GPC5: variants seen among roughly 807,000 people sequenced by gnomAD.
The protein encoded by GPC5 is glypican-5.
In GPC5, 47 loss-of-function variants were observed where a neutral mutation model predicts 53.9. The observed-to-expected ratio is 0.87, with a 90% CI of 0.69 to 1.11. GPC5 has a LOEUF of 1.11. GPC5 is among the 50% of genes most tolerant of loss of function. The pLI is 0.00. For missense variants in GPC5, 748 were observed against 713.1 expected, an observed-to-expected ratio of 1.05 and a Z score of -0.56; for synonymous variants, 286 against 263.3, an observed-to-expected ratio of 1.09 and a Z score of -0.84.
At chr13:91,786,695 T>C (rs9556116) in intron 5 of GPC5, among the ~76,000 whole-genome samples, 3,846 of 152,256 alleles carry the variant, frequency 0.025, 247 homozygotes, top group East Asian at 0.22. Context: ...ACTATAATAT[T>C]TATGTCAAGA....
At chr13:91,415,259 G>A (rs1878113210) in intron 1 of GPC5, among the ~76,000 whole-genome samples, 1 of 152,134 alleles carries the variant, frequency 6.6e-6, no homozygotes, top group African/African-American at 2.4e-5. Context: ...TGTAAAAGTG[G>A]TGAATCCCCA....
chr13:92,234,077 G>C (rs1013435575), intron 7 of GPC5, among the ~76,000 whole-genome samples: 3 of 152,108 alleles, frequency 2.0e-5, no homozygotes, highest in African/African-American at 7.2e-5. Context: ...ATCTGGGTTG[G>C]TTCCAAGTCT....
intron 2 of GPC5, among the ~76,000 whole-genome samples, chr13:91,557,474 G>A (rs1198958765): frequency 7.2e-5 from 11 of 152,092 alleles, no homozygotes; most frequent in African/African-American, 2.4e-4. Flanking sequence ...TTGCTGTTAT[G>A]TCTGGTGAGA....
intron 2 of GPC5, among the ~76,000 whole-genome samples, chr13:91,691,447 A>G (rs1566612985): frequency 6.6e-6 from 1 of 152,190 alleles, no homozygotes; most frequent in Non-Finnish European, 1.5e-5. Context: ...GCTAATCTCA[A>G]TTGAAGCCTT....
At chr13:92,155,035 C>T (rs1307793596) in intron 7 of GPC5, among the ~76,000 whole-genome samples, 1 of 152,140 alleles carries the variant, frequency 6.6e-6, no homozygotes, top group East Asian at 1.9e-4. Context: ...TGTCAGGTCA[C>T]ATATCATATC....
At chr13:91,764,591 C>G (rs2037484073) in intron 5 of GPC5, among the ~76,000 whole-genome samples, 1 of 152,166 alleles carries the variant, frequency 6.6e-6, no homozygotes. Flanking sequence ...TGAAAATGTC[C>G]AGTCCAACCT....
At chr13:92,767,150 T>C (rs551025372) in intron 7 of GPC5, among the ~76,000 whole-genome samples, 12 of 152,166 alleles carry the variant, frequency 7.9e-5, no homozygotes, top group Non-Finnish European at 1.8e-4. Flanking sequence ...TGTTTGTTTG[T>C]TTTTCTCTGT....
At chr13:91,720,200 T>A (rs965819605) in intron 3 of GPC5, among the ~76,000 whole-genome samples, 5 of 152,174 alleles carry the variant, frequency 3.3e-5, no homozygotes, top group African/African-American at 1.2e-4. Context: ...CAAAATTCCG[T>A]GAATGATTTG....
intron 2 of GPC5, among the ~76,000 whole-genome samples, chr13:91,528,824 AC>A (rs1305916509): frequency 6.6e-6 from 1 of 152,194 alleles, no homozygotes; most frequent in Non-Finnish European, 1.5e-5. Context: ...GGCACATCTT[AC>A]ATGGCAGCAG....
chr13:91,802,565 C>T (rs537824257), intron 5 of GPC5, among the ~76,000 whole-genome samples: 11 of 152,266 alleles, frequency 7.2e-5, no homozygotes, highest in African/African-American at 2.6e-4. Context: ...TTTGGCCCCA[C>T]CCATGTCCTG....
intron 7 of GPC5, among the ~76,000 whole-genome samples, chr13:92,507,680 G>C (rs1880421687): frequency 6.6e-6 from 1 of 152,034 alleles, no homozygotes; most frequent in Admixed American, 6.6e-5. Context: ...ACTGAGAATT[G>C]AAAATGTTAT....
At chr13:91,722,486 G>A (rs1490016059) in intron 3 of GPC5, among the ~76,000 whole-genome samples, 1 of 152,146 alleles carries the variant, frequency 6.6e-6, no homozygotes, top group Non-Finnish European at 1.5e-5. Context: ...AAATGCAGAA[G>A]CGCCCTCTGG....
intron 7 of GPC5, among the ~76,000 whole-genome samples, chr13:92,558,906 T>A (rs562759005): frequency 1.3e-5 from 2 of 152,128 alleles, no homozygotes; most frequent in South Asian, 4.1e-4. Context: ...GAAGTCAGCA[T>A]GGCGGAGTTG....
intron 7 of GPC5, among the ~76,000 whole-genome samples, chr13:92,519,017 C>A (rs1299033938): frequency 6.6e-6 from 1 of 152,014 alleles, no homozygotes; most frequent in African/African-American, 2.4e-5. Flanking sequence ...CAACAAAGAT[C>A]AAAAGAGATA....
At chr13:91,692,077 AT>A (rs1463351961) in intron 2 of GPC5, among the ~76,000 whole-genome samples, 1 of 152,010 alleles carries the variant, frequency 6.6e-6, no homozygotes, top group Non-Finnish European at 1.5e-5. Flanking sequence ...CCAACTTTCT[AT>A]TTTTAGATTT....
At chr13:91,432,183 C>T (rs1167477249) in intron 1 of GPC5, among the ~76,000 whole-genome samples, 1 of 85,494 alleles carries the variant, frequency 1.2e-5, no homozygotes, top group African/African-American at 6.0e-5. Flanking sequence ...ATGCTGCTTC[C>T]ACTGCTGCTG....
intron 7 of GPC5, among the ~76,000 whole-genome samples, chr13:92,612,210 C>T (rs1457430174): frequency 2.0e-5 from 3 of 152,008 alleles, no homozygotes; most frequent in East Asian, 1.9e-4. Flanking sequence ...ATAATGCTAG[C>T]GATTATTACC....
In GPC5 at chr13:91,399,039, C is replaced by A; in HGVS notation, c.-8C>A. The A allele has an allele frequency of 6.5e-7, 1 of 1,544,326 alleles. No individual in the cohort carries two copies. The highest frequency in any genetic ancestry group is 8.7e-7 in the Non-Finnish European group (1 of 1,144,190). ...CACTGGCGGGTAAAGGGGACCAGGA[C>A]GGCGAGGATGGACGCACAGACCTGG... On this transcript the variant is annotated 5_prime_UTR_variant, in exon 1 of 8. Transcript: ENST00000377067.
chr13:92,524,535 C>T (rs900994847), intron 7 of GPC5, among the ~76,000 whole-genome samples: 1 of 152,052 alleles, frequency 6.6e-6, no homozygotes, highest in African/African-American at 2.4e-5. Flanking sequence ...CTGATTTATG[C>T]ACTCATATTT....
Sources: allele counts gnomAD v4.1 joint callset (sites outside exome capture counted in the v4.1 genomes callset), GRCh38; gene constraint gnomAD v4.1.1; transcripts MANE v1.5; gene names NCBI Gene and HGNC (gene_info 2026-07-23, HGNC 2026-07-21).